ZSWIM7: variants seen among roughly 807,000 people sequenced by gnomAD.
ZSWIM7 encodes the protein zinc finger SWIM domain-containing protein 7.
In ZSWIM7, 22 loss-of-function variants were observed where a neutral mutation model predicts 21.1. The observed-to-expected ratio is 1.04, with a 90% CI of 0.74 to 1.49. ZSWIM7 has a LOEUF of 1.49. Among genes scored for constraint, ZSWIM7 ranks in the 40% most tolerant of loss-of-function variants. The pLI, the probability that ZSWIM7 is intolerant of heterozygous loss-of-function variation, is 0.00. For missense variants in ZSWIM7, 193 were observed against 168.0 expected, an observed-to-expected ratio of 1.15 and a Z score of -0.82; for synonymous variants, 67 against 66.5, an observed-to-expected ratio of 1.01 and a Z score of -0.04.
Position 15,989,321 on chromosome 17 carries a change from AT to A in ZSWIM7, c.99-1954del, listed in dbSNP as rs1041607610. On this transcript the variant is annotated intron_variant, in intron 2 of 4. Transcript: ENST00000399277. ...CAATTATGTCAAAATTAAAAGTTTA[AT>A]TTTTTTTTTTTTTGAGATGGAGTCT... 2.4e-3 allele frequency among the ~76,000 whole-genome samples: 357 copies of A among 145,878 alleles called. 1 individual carries two copies. The Middle Eastern group carries it at 0.043, about 18-fold the overall frequency.
chr17:15,985,732 C>T (rs1970401646), intron 3 of ZSWIM7, among the ~76,000 whole-genome samples: 1 of 152,122 alleles, frequency 6.6e-6, no homozygotes, highest in Admixed American at 6.6e-5. Context: ...AACAAAAAGT[C>T]AACAGTAATT....
chr17:15,988,717 A>C (rs1390049847), intron 2 of ZSWIM7, among the ~76,000 whole-genome samples: 1 of 152,184 alleles, frequency 6.6e-6, no homozygotes, highest in South Asian at 2.1e-4. Context: ...CCAGCACTGT[A>C]TAAGACTTCT....
chr17:15,979,420 C>T (rs1970319075), intron 4 of ZSWIM7, among the ~76,000 whole-genome samples: 1 of 152,256 alleles, frequency 6.6e-6, no homozygotes, highest in South Asian at 2.1e-4. Context: ...CATCCAATTT[C>T]TCAATCTTTT....
intron 2 of ZSWIM7, among the ~76,000 whole-genome samples, chr17:15,987,944 A>G (rs1314839331): frequency 6.6e-6 from 1 of 152,120 alleles, no homozygotes; most frequent in Non-Finnish European, 1.5e-5. Flanking sequence ...GTAAACTGTT[A>G]GTGATAAAGA....
At chr17:15,991,339 G>C (rs901530904) in intron 2 of ZSWIM7, among the ~76,000 whole-genome samples, 2 of 152,018 alleles carry the variant, frequency 1.3e-5, no homozygotes, top group African/African-American at 4.8e-5. Context: ...TATCCTCACT[G>C]TAAAATCTTT....
intron 1 of ZSWIM7, among the ~76,000 whole-genome samples, chr17:15,997,347 C>T (rs1333118338): frequency 6.6e-6 from 1 of 152,138 alleles, no homozygotes; most frequent in Non-Finnish European, 1.5e-5. Flanking sequence ...GAAGGTGAAA[C>T]TGATAACATA....
intron 2 of ZSWIM7, among the ~76,000 whole-genome samples, chr17:15,989,899 T>C (rs1391057077): frequency 2.0e-5 from 3 of 152,118 alleles, no homozygotes; most frequent in Non-Finnish European, 4.4e-5. Flanking sequence ...TGATCCACCA[T>C]GCCTGGCCAA....
At chr17:15,998,862 C>A (rs1406425212) in intron 1 of ZSWIM7, among the ~76,000 whole-genome samples, 1 of 151,022 alleles carries the variant, frequency 6.6e-6, no homozygotes, top group East Asian at 2.0e-4. Context: ...TCAAGCGATT[C>A]TCCTGCCTCA....
At chr17:15,989,317 T>C (rs560433638) in intron 2 of ZSWIM7, among the ~76,000 whole-genome samples, 22 of 152,088 alleles carry the variant, frequency 1.4e-4, no homozygotes, top group African/African-American at 4.8e-4. Context: ...AAATTAAAAG[T>C]TTAATTTTTT....
intron 2 of ZSWIM7, among the ~76,000 whole-genome samples, chr17:15,993,458 C>T (rs7214891): frequency 0.45 from 68,902 of 151,626 alleles, 16,647 homozygotes; most frequent in Middle Eastern, 0.59. Context: ...CCTCCACCTC[C>T]CAGGTTCAAG....
At chr17:15,979,309 G>A (rs1169436856) in intron 4 of ZSWIM7, among the ~76,000 whole-genome samples, 1 of 151,896 alleles carries the variant, frequency 6.6e-6, no homozygotes, top group Non-Finnish European at 1.5e-5. Context: ...TTGGGGGTAA[G>A]GTCACAGATC....
chr17:15,979,566 C>T (rs1347394295), intron 4 of ZSWIM7, among the ~76,000 whole-genome samples: 55 of 147,592 alleles, frequency 3.7e-4, no homozygotes, highest in Admixed American at 1.9e-3. Context: ...TAGGGGTGGC[C>T]GGGCAGAGGC....
At chr17:15,978,773 T>C (rs975840209) in intron 4 of ZSWIM7, among the ~76,000 whole-genome samples, 5 of 152,054 alleles carry the variant, frequency 3.3e-5, no homozygotes, top group Non-Finnish European at 7.4e-5. Context: ...CTCACGTTAG[T>C]CCTAAGTTAT....
chr17:15,991,899 G>GT (rs1970486901), intron 2 of ZSWIM7, among the ~76,000 whole-genome samples: 1 of 102,934 alleles, frequency 9.7e-6, no homozygotes, highest in African/African-American at 4.3e-5. Context: ...CCTGGGACAG[G>GT]TTTTGTTTTT....
In ZSWIM7 at chr17:15,978,013, C is replaced by T. The variant is rs73978575; in HGVS notation, c.*34G>A. ...TTTCAATGCATTTCTTGACAGGATTCTATTTTGAAAGAATGATGCTCAATC... is the reference window on the plus strand; with the variant it reads ...TTTCAATGCATTTCTTGACAGGATTTTATTTTGAAAGAATGATGCTCAATC... On this transcript the variant is annotated 3_prime_UTR_variant, in exon 5 of 5. Transcript: ENST00000399277. The T allele has an allele frequency of 3.7e-3, 5,596 of 1,530,078 alleles. 190 individuals are homozygous for T. In the African/African-American group the frequency reaches 0.068, roughly 19 times the overall value. 94.8% of individuals were successfully genotyped at this position (1,530,078 alleles called of 1,614,324 possible). A position where few individuals can be genotyped will look rare whatever the true frequency, so the allele number is the denominator to read the frequency against.
chr17:15,999,335 T>G lies in ZSWIM7; in HGVS notation c.76+184A>C, dbSNP rs61747652. 5.5e-3 allele frequency: 4,257 copies of G among 780,030 alleles called. 132 individuals are homozygous for G. In the African/African-American group the frequency reaches 0.066, roughly 12 times the overall value. 48.3% of individuals were successfully genotyped at this position (780,030 alleles called of 1,614,324 possible). A position where few individuals can be genotyped will look rare whatever the true frequency, so the allele number is the denominator to read the frequency against. ...TTGCTGAATCGATTTGACTTTTACTTGTTCCAATTTCGCTTTTTTGTTGTT... is the reference window on the plus strand; with the variant it reads ...TTGCTGAATCGATTTGACTTTTACTGGTTCCAATTTCGCTTTTTTGTTGTT... On this transcript the variant is annotated intron_variant, in intron 1 of 4. Transcript: ENST00000399277.
chr17:15,989,657 C>T (rs1970457949), intron 2 of ZSWIM7, among the ~76,000 whole-genome samples: 1 of 151,948 alleles, frequency 6.6e-6, no homozygotes, highest in Non-Finnish European at 1.5e-5. Context: ...GACAAAGTCT[C>T]TCTCTGTCAC....
At chr17:15,981,676 A>C (rs1970357355) in intron 3 of ZSWIM7, among the ~76,000 whole-genome samples, 1 of 152,072 alleles carries the variant, frequency 6.6e-6, no homozygotes, top group African/African-American at 2.4e-5. Flanking sequence ...TGGGAGGTCG[A>C]GGTGGGAGGA....
chr17:15,985,782 T>C (rs2151623993), intron 3 of ZSWIM7, among the ~76,000 whole-genome samples: 1 of 152,312 alleles, frequency 6.6e-6, no homozygotes, highest in Non-Finnish European at 1.5e-5. Flanking sequence ...AGGTCAAGTA[T>C]TGTGCCCATA....
Sources: allele counts gnomAD v4.1 joint callset (sites outside exome capture counted in the v4.1 genomes callset), GRCh38; gene constraint gnomAD v4.1.1; transcripts MANE v1.5; gene names NCBI Gene and HGNC (gene_info 2026-07-23, HGNC 2026-07-21).